Variants in EXOG observed in about 807,000 individuals in gnomAD.
The protein encoded by EXOG is exo/endonuclease G.
EXOG carries 27 observed loss-of-function variants against 25.8 expected under a neutral mutation model. The ratio of observed to expected loss-of-function variants is 1.05; its 90% CI spans 0.77 to 1.45. The LOEUF (loss-of-function observed/expected upper bound fraction) is 1.45, where lower values mean the gene tolerates loss of function less well. Ranked by LOEUF, EXOG falls within the 40% of genes most tolerant of loss-of-function variation. The pLI is 0.00. For missense variants in EXOG, 458 were observed against 450.5 expected (o/e 1.02, Z -0.15); for synonymous variants, 133 against 167.0 (o/e 0.80, Z 1.57).
At chr3:38,507,557 T>C (rs961784877) in intron 5 of EXOG, among the ~76,000 whole-genome samples, 4 of 152,224 alleles carry the variant, frequency 2.6e-5, no homozygotes, top group Non-Finnish European at 5.9e-5. Context: ...GACTTTCTAT[T>C]CTATGATGAA....
intron 4 of EXOG, 141 bp from the exon 5 acceptor site, chr3:38,506,713 T>C: frequency 2.2e-6 from 1 of 444,462 alleles, no homozygotes; most frequent in Non-Finnish European, 4.0e-6. Context: ...GTTTATATGC[T>C]TATAATGTTT....
At chr3:38,497,026 C>T (rs1253295581) in intron 1 of EXOG, 4 of 1,023,134 alleles carry the variant, frequency 3.9e-6, no homozygotes, top group Non-Finnish European at 4.7e-6. Context: ...ACCTGCTATC[C>T]CTCCAAAGTG....
chr3:38,515,153 C>G (rs1038500114), intron 5 of EXOG, among the ~76,000 whole-genome samples: 1 of 152,112 alleles, frequency 6.6e-6, no homozygotes, highest in Non-Finnish European at 1.5e-5. Context: ...GGATGATAAC[C>G]TTTCCGAGTC....
At chr3:38,523,433 G>A (rs1227940452) in intron 5 of EXOG, 4 of 480,312 alleles carry the variant, frequency 8.3e-6, no homozygotes, top group South Asian at 1.8e-4. Flanking sequence ...GTGCAATCTC[G>A]GCTCACTGCA....
chr3:38,497,205 G>A lies in EXOG; in HGVS notation c.164-424G>A, dbSNP rs1338899644. On this transcript the variant is annotated intron_variant, in intron 1 of 5. Transcript: ENST00000287675. ...CTTGGGGGGTTGAGGATTTGAGAAG[G>A]CATCGGGGAGGATTATCTCGAAACT... The A allele has an allele frequency of 1.7e-5, 17 of 1,007,384 alleles. No individual in the cohort carries two copies. The East Asian group carries it at 1.5e-3, about 90-fold the overall frequency. 62.4% of individuals were successfully genotyped at this position (1,007,384 alleles called of 1,614,324 possible).
chr3:38,506,027 A>C (rs2060193780), intron 4 of EXOG, among the ~76,000 whole-genome samples: 2 of 151,652 alleles, frequency 1.3e-5, no homozygotes, highest in South Asian at 4.2e-4. Context: ...TATTACAACT[A>C]CTTGCCATTT....
In EXOG at chr3:38,505,170, T is replaced by C. The variant is rs544955137; in HGVS notation, c.530+1479T>C. Among the ~76,000 whole-genome samples, 3 of 152,354 alleles carry C rather than the reference T, an allele frequency of 2.0e-5. No homozygotes were observed. In the South Asian group the frequency reaches 6.2e-4, roughly 32 times the overall value. ...AAATTTTCCTGGTTGTCTTTAATTT[T>C]TTGTTGTTGTTGGTTGGTTTGAACC... On this transcript the variant is annotated intron_variant, in intron 4 of 5. Transcript: ENST00000287675.
chr3:38,509,871 C>T (rs547049593), intron 5 of EXOG, among the ~76,000 whole-genome samples: 6 of 152,124 alleles, frequency 3.9e-5, no homozygotes, highest in East Asian at 1.9e-4. Flanking sequence ...AATAAATTTG[C>T]GAGAATGAAA....
intron 4 of EXOG, among the ~76,000 whole-genome samples, chr3:38,505,737 T>G (rs2060183543): frequency 1.3e-5 from 2 of 152,012 alleles, no homozygotes; most frequent in South Asian, 4.1e-4. Context: ...GGCAGATCGC[T>G]TGAGGTCAGG....
At position 38,524,532 on chromosome 3, in the gene EXOG, T is replaced by A; in HGVS notation, c.*170T>A. 2 of 1,317,062 alleles carry A rather than the reference T, an allele frequency of 1.5e-6. No homozygotes were observed. Among genetic ancestry groups the A allele is most frequent in the South Asian group, 1.8e-5 (1 of 56,944 alleles). 81.6% of individuals were successfully genotyped at this position (1,317,062 alleles called of 1,614,324 possible). On this transcript the variant is annotated 3_prime_UTR_variant, in exon 6 of 6. Transcript: ENST00000287675. The stretch of plus-strand genomic sequence containing the variant: ...GTGCAGTGGTGGAATCATAGCTCAC[T>A]ATAGCCTCAAACTTCTGGGCTTAAG...
intron 1 of EXOG, 168 bp downstream of exon 1, chr3:38,496,698 C>T: frequency 6.9e-7 from 1 of 1,442,914 alleles, no homozygotes; most frequent in Non-Finnish European, 9.1e-7. Context: ...CCCTTCCCCA[C>T]CTCGCGTCTC....
Position 38,524,701 on chromosome 3 carries a change from T to G in EXOG, c.*339T>G. 9.8e-7 allele frequency: 1 copy of G among 1,017,020 alleles called. No homozygotes were observed. Among genetic ancestry groups the G allele is most frequent in the Non-Finnish European group, 1.2e-6 (1 of 850,670 alleles). The allele number at this position is 1,017,020 out of a possible 1,614,324, so 63.0% of individuals were successfully genotyped here. ...CCCCCAAAAGATGAAAGATCTACAA[T>G]GTTTTTGTCAGTATTATATTTGACT... is the stretch of plus-strand genomic sequence containing the variant. On this transcript the variant is annotated 3_prime_UTR_variant, in exon 6 of 6. Coordinates refer to ENST00000287675, the MANE Select transcript of EXOG (RefSeq NM_005107.4).
At chr3:38,506,303 A>G (rs1015901151) in intron 4 of EXOG, among the ~76,000 whole-genome samples, 2 of 152,236 alleles carry the variant, frequency 1.3e-5, no homozygotes, top group Admixed American at 6.5e-5. Context: ...GAGTAAATTG[A>G]TATAACCCTA....
intron 5 of EXOG, among the ~76,000 whole-genome samples, chr3:38,516,644 C>T (rs1448111611): frequency 1.3e-5 from 2 of 152,082 alleles, no homozygotes; most frequent in Non-Finnish European, 2.9e-5. Context: ...AATATTTAGT[C>T]CATATTGAAA....
chr3:38,503,889 G>A (rs148077894), intron 4 of EXOG, among the ~76,000 whole-genome samples, 198 bp downstream of exon 4: 12 of 152,282 alleles, frequency 7.9e-5, no homozygotes, highest in African/African-American at 2.9e-4. Context: ...TCAAAACGTA[G>A]CCTGCCTTTT....
At position 38,525,719 on chromosome 3, in the gene EXOG, G is replaced by A; in HGVS notation, c.*1357G>A. 1.3e-6 allele frequency: 1 copy of A among 762,946 alleles called. No individual in the cohort carries two copies. The highest frequency in any genetic ancestry group is 1.6e-6 in the Non-Finnish European group (1 of 627,014). 47.3% of individuals were successfully genotyped at this position (762,946 alleles called of 1,614,324 possible). A position where few individuals can be genotyped will look rare whatever the true frequency, so the allele number is the denominator to read the frequency against. ...GCACTTTGGGAAATCGAGGTGGGTG[G>A]ATCGCTTGAGCCCAGGAGTTTGAGA... On this transcript the variant is annotated 3_prime_UTR_variant, in exon 6 of 6. Coordinates refer to ENST00000287675, the MANE Select transcript of EXOG (RefSeq NM_005107.4).
intron 5 of EXOG, among the ~76,000 whole-genome samples, chr3:38,510,135 C>T (rs1178372208): frequency 1.3e-5 from 2 of 152,146 alleles, no homozygotes; most frequent in Non-Finnish European, 2.9e-5. Flanking sequence ...TGGTGTGATG[C>T]ACTGAGCAGG....
chr3:38,503,627 G>GA lies in EXOG; in HGVS notation c.469dup (p.Thr157AsnfsTer6), dbSNP rs1262251282. 3.1e-6 allele frequency: 5 copies of GA among 1,599,772 alleles called. No individual in the cohort carries two copies. Among genetic ancestry groups the GA allele is most frequent in the Non-Finnish European group, 4.3e-6 (5 of 1,167,864 alleles). ...TCTTTCTTTACAGAAAGCCATGGCT[G>GA]AAACCTTTTACCTTTCTAACATTGT... On this transcript the variant is annotated frameshift_variant, in exon 4 of 6. Coordinates refer to ENST00000287675, the MANE Select transcript of EXOG (RefSeq NM_005107.4). LOFTEE classifies it high-confidence loss of function.
chr3:38,512,429 C>T (rs1028749116), intron 5 of EXOG, among the ~76,000 whole-genome samples: 9 of 152,154 alleles, frequency 5.9e-5, no homozygotes, highest in African/African-American at 2.2e-4. Context: ...TTCTATATCT[C>T]AGAATAATGA....
Sources: gnomAD v4.1 joint callset for allele counts (sites outside exome capture counted in the v4.1 genomes callset) on GRCh38, gnomAD v4.1.1 for gene constraint, MANE v1.5 for transcripts, NCBI Gene and HGNC (gene_info 2026-07-23, HGNC 2026-07-21) for gene names.